ACBD6: variants seen among roughly 807,000 people sequenced by gnomAD.
ACBD6 encodes the protein acyl-CoA binding domain containing 6, also known as acyl-CoA-binding domain-containing protein 6.
A neutral mutation model predicts 37.2 loss-of-function variants in ACBD6; 28 were observed. The observed-to-expected ratio is 0.75, with a 90% CI of 0.56 to 1.03. ACBD6 has a LOEUF of 1.03. Among genes scored for constraint, ACBD6 ranks in the 50% least tolerant of loss-of-function variants. ACBD6 has a pLI of 0.00. For missense variants in ACBD6, 340 were observed against 337.4 expected (o/e 1.01, Z -0.06); for synonymous variants, 113 against 126.8 (o/e 0.89, Z 0.73).
intron 3 of ACBD6, among the ~76,000 whole-genome samples, chr1:180,466,509 T>G (rs1650351324): frequency 6.6e-6 from 1 of 152,182 alleles, no homozygotes; most frequent in South Asian, 2.1e-4. Flanking sequence ...GTTCATGCAA[T>G]GAGAGCTTGA....
At chr1:180,349,554 C>G (rs1571393867) in intron 6 of ACBD6, among the ~76,000 whole-genome samples, 1 of 145,530 alleles carries the variant, frequency 6.9e-6, no homozygotes, top group African/African-American at 2.5e-5. Flanking sequence ...CGTGCCCAGC[C>G]TTTTAATTTC....
intron 4 of ACBD6, among the ~76,000 whole-genome samples, chr1:180,420,101 T>A (rs888683495): frequency 6.6e-6 from 1 of 152,340 alleles, no homozygotes; most frequent in Non-Finnish European, 1.5e-5. Flanking sequence ...TTATTCTACA[T>A]CTTGTTCCTC....
intron 6 of ACBD6, among the ~76,000 whole-genome samples, chr1:180,384,448 C>A (rs529783308): frequency 1.3e-5 from 2 of 151,956 alleles, no homozygotes; most frequent in East Asian, 1.9e-4. Flanking sequence ...ATCAAGACCA[C>A]GAGATACCAT....
At chr1:180,304,306 G>A (rs1338862661) in intron 7 of ACBD6, among the ~76,000 whole-genome samples, 1 of 150,676 alleles carries the variant, frequency 6.6e-6, no homozygotes, top group African/African-American at 2.4e-5. Context: ...AGGAAAAGAG[G>A]AAGTCAAATT....
At chr1:180,459,677 C>T (rs949910387) in intron 3 of ACBD6, among the ~76,000 whole-genome samples, 11 of 152,156 alleles carry the variant, frequency 7.2e-5, no homozygotes, top group African/African-American at 2.4e-4. Context: ...TTCTCAAATT[C>T]CATGAAGATA....
rs1416017970 is a variant in ACBD6, at chr1:180,492,494, G to A, written c.288-129C>T. 5 of 746,494 alleles carry A rather than the reference G, an allele frequency of 6.7e-6. No homozygotes were observed. The East Asian group carries it at 1.1e-4, about 16-fold the overall frequency. 46.2% of individuals were successfully genotyped at this position (746,494 alleles called of 1,614,324 possible). A position where few individuals can be genotyped will look rare whatever the true frequency, so the allele number is the denominator to read the frequency against. On this transcript the variant is annotated intron_variant, in intron 2 of 7. Coordinates refer to ENST00000367595, the MANE Select transcript of ACBD6 (RefSeq NM_032360.4). Reference sequence around the variant, plus strand: ...ATATAGAGATAATAAGCTATGGATAGAGAAGCTCTGTCTTTTTGCATTTAC... The same window carrying A: ...ATATAGAGATAATAAGCTATGGATAAAGAAGCTCTGTCTTTTTGCATTTAC...
At chr1:180,335,646 A>T (rs1651682089) in intron 6 of ACBD6, among the ~76,000 whole-genome samples, 1 of 151,366 alleles carries the variant, frequency 6.6e-6, no homozygotes, top group African/African-American at 2.4e-5. Flanking sequence ...GACAGGATCA[A>T]ATTCACACAT....
chr1:180,311,217 C>T lies in ACBD6; in HGVS notation c.694+3475G>A, dbSNP rs55697042. Among the ~76,000 whole-genome samples, 560 of 152,092 alleles carry T rather than the reference C, an allele frequency of 3.7e-3. 1 individual carries two copies. Among genetic ancestry groups the T allele is most frequent in the Non-Finnish European group, 6.4e-3 (437 of 67,952 alleles). On this transcript the variant is annotated intron_variant, in intron 7 of 7. Coordinates refer to ENST00000367595, the MANE Select transcript of ACBD6 (RefSeq NM_032360.4). ...TGACACACGGTGTGTGTAGTATCTA[C>T]GTGGGCCTCTCTGCATCGCTCTGAT...
At chr1:180,331,033 G>A (rs1651460364) in intron 6 of ACBD6, among the ~76,000 whole-genome samples, 1 of 152,156 alleles carries the variant, frequency 6.6e-6, no homozygotes, top group South Asian at 2.1e-4. Context: ...CACCCAGGAG[G>A]TTTCTTCTCT....
chr1:180,493,247 C>CAAAAAAAAA (rs71121023), intron 2 of ACBD6, among the ~76,000 whole-genome samples: 89 of 47,768 alleles, frequency 1.9e-3, no homozygotes, highest in African/African-American at 4.9e-3. Flanking sequence ...AATTCTGTCT[C>CAAAAAAAAA]AAAAAAAAAA....
chr1:180,490,703 G>A (rs1268340887), intron 3 of ACBD6, among the ~76,000 whole-genome samples: 3 of 151,240 alleles, frequency 2.0e-5, no homozygotes, highest in Non-Finnish European at 4.4e-5. Flanking sequence ...GGAGAATGGC[G>A]GGAACCCAGG....
intron 3 of ACBD6, among the ~76,000 whole-genome samples, chr1:180,457,261 G>C (rs182687227): frequency 6.6e-6 from 1 of 152,226 alleles, no homozygotes; most frequent in Admixed American, 6.5e-5. Context: ...GGTGAAGGTA[G>C]ATTACCTTAG....
chr1:180,284,767 G>A (rs749528670), downstream of ACBD6, among the ~76,000 whole-genome samples: 1 of 152,102 alleles, frequency 6.6e-6, no homozygotes, highest in Non-Finnish European at 1.5e-5. Flanking sequence ...GGCTGCTTTT[G>A]TTTTTGCTTT....
intron 6 of ACBD6, among the ~76,000 whole-genome samples, chr1:180,331,524 T>C (rs1009622059): frequency 1.3e-5 from 2 of 152,224 alleles, no homozygotes; most frequent in African/African-American, 2.4e-5. Context: ...ACTTTGACTA[T>C]AAGAATTTCT....
intron 6 of ACBD6, among the ~76,000 whole-genome samples, chr1:180,346,611 G>C (rs944236409): frequency 6.6e-6 from 1 of 152,180 alleles, no homozygotes; most frequent in African/African-American, 2.4e-5. Context: ...CTCTAGATGA[G>C]AATGAAGACT....
chr1:180,364,501 T>C (rs1416128478), intron 6 of ACBD6, among the ~76,000 whole-genome samples: 1 of 152,200 alleles, frequency 6.6e-6, no homozygotes, highest in African/African-American at 2.4e-5. Flanking sequence ...CTTTTCTTCA[T>C]AGTTTTAAGA....
intron 7 of ACBD6, among the ~76,000 whole-genome samples, chr1:180,296,030 G>A (rs1649903510): frequency 6.6e-6 from 1 of 152,186 alleles, no homozygotes; most frequent in Admixed American, 6.5e-5. Context: ...CAGCCAACTT[G>A]TGAATGCCAA....
intron 6 of ACBD6, among the ~76,000 whole-genome samples, chr1:180,361,794 C>T (rs747343180): frequency 2.0e-5 from 3 of 152,188 alleles, no homozygotes; most frequent in Non-Finnish European, 2.9e-5. Context: ...ATATGGATTA[C>T]ATACATCCTT....
rs1423627272 is a variant in ACBD6, at chr1:180,271,089, T to C, written c.*2136A>G. On this transcript the variant is annotated 3_prime_UTR_variant, in exon 14 of 14. Transcript: ENST00000642319. ...ACAGGGACGTGTGGAATTGGGTACA[T>C]TCAATCTGATGAGACTTCTGTGCAG... 2.3e-5 allele frequency: 11 copies of C among 486,168 alleles called. No individual in the cohort carries two copies. The Admixed American group carries it at 3.0e-4, about 13-fold the overall frequency. The allele number at this position is 486,168 out of a possible 1,614,324, so 30.1% of individuals were successfully genotyped here. A position where few individuals can be genotyped will look rare whatever the true frequency, so the allele number is the denominator to read the frequency against.
Sources: allele counts gnomAD v4.1 joint callset (sites outside exome capture counted in the v4.1 genomes callset), GRCh38; gene constraint gnomAD v4.1.1; transcripts MANE v1.5; gene names NCBI Gene and HGNC (gene_info 2026-07-23, HGNC 2026-07-21).